Variants in MAGI2 observed in about 807,000 individuals in gnomAD.
The protein encoded by MAGI2 is membrane-associated guanylate kinase, WW and PDZ domain-containing protein 2.
In MAGI2, 35 loss-of-function variants were observed where a neutral mutation model predicts 133.3. The observed-to-expected ratio is 0.26, with a 90% CI of 0.20 to 0.35. MAGI2 has a LOEUF of 0.35. Ranked by LOEUF, MAGI2 falls within the 10% of genes least tolerant of loss-of-function variation. The pLI is 1.00. For synonymous variants in MAGI2, 729 were observed against 710.6 expected, an observed-to-expected ratio of 1.03 and a Z score of -0.41; for missense variants, 1,636 against 1,863.4, an observed-to-expected ratio of 0.88 and a Z score of 2.25.
At chr7:79,402,370 A>G (rs1233086270) in intron 1 of MAGI2, among the ~76,000 whole-genome samples, 1 of 152,190 alleles carries the variant, frequency 6.6e-6, no homozygotes, top group African/African-American at 2.4e-5. Context: ...AGGGAGGGAC[A>G]TAGGAAGGCC....
intron 6 of MAGI2, 61 bp downstream of exon 6, chr7:78,489,700 T>C (rs763080999): frequency 2.4e-5 from 31 of 1,293,910 alleles, no homozygotes; most frequent in Non-Finnish European, 3.4e-5. Flanking sequence ...GACTCTCATT[T>C]AAGAAACACA....
intron 2 of MAGI2, among the ~76,000 whole-genome samples, chr7:78,693,562 C>T (rs1463392980): frequency 1.3e-5 from 2 of 152,176 alleles, no homozygotes; most frequent in African/African-American, 2.4e-5. Flanking sequence ...CAACTCCTCA[C>T]TATTTGCTTC....
intron 1 of MAGI2, among the ~76,000 whole-genome samples, chr7:79,014,000 G>A (rs1219470148): frequency 1.3e-5 from 2 of 151,954 alleles, no homozygotes; most frequent in Non-Finnish European, 2.9e-5. Flanking sequence ...TTTAATATCT[G>A]TGCTGTTTCT....
chr7:78,205,043 A>G (rs1283683616), intron 10 of MAGI2, among the ~76,000 whole-genome samples: 1 of 152,250 alleles, frequency 6.6e-6, no homozygotes, highest in African/African-American at 2.4e-5. Context: ...TTTAGGCAGG[A>G]AATCCTGGTA....
chr7:79,012,948 C>T (rs1429923480), intron 1 of MAGI2, among the ~76,000 whole-genome samples: 2 of 152,188 alleles, frequency 1.3e-5, no homozygotes, highest in East Asian at 3.9e-4. Flanking sequence ...ATAAGGGTAC[C>T]AATCCCATTC....
chr7:79,121,584 A>T (rs1334456350), intron 1 of MAGI2, among the ~76,000 whole-genome samples: 1 of 152,128 alleles, frequency 6.6e-6, no homozygotes, highest in Non-Finnish European at 1.5e-5. Context: ...ACTGTATCGC[A>T]AATGCATTCA....
intron 20 of MAGI2, among the ~76,000 whole-genome samples, chr7:78,097,309 C>T (rs10239998): frequency 0.026 from 3,915 of 152,232 alleles, 110 homozygotes; most frequent in African/African-American, 0.077. Flanking sequence ...AATCCCATTA[C>T]TGGGTATGTA....
intron 1 of MAGI2, among the ~76,000 whole-genome samples, chr7:79,432,052 T>C (rs138794054): frequency 9.4e-4 from 143 of 152,314 alleles, no homozygotes; most frequent in Non-Finnish European, 1.6e-3. Flanking sequence ...TGTGAAATGG[T>C]ACTTTTCCTG....
intron 2 of MAGI2, among the ~76,000 whole-genome samples, chr7:78,654,748 T>TAG (rs1563303663): frequency 9.7e-6 from 1 of 103,262 alleles, no homozygotes; most frequent in Non-Finnish European, 2.1e-5. Flanking sequence ...TATATATATA[T>TAG]AGCATATATT....
At chr7:78,806,648 G>A (rs1479285195) in intron 2 of MAGI2, among the ~76,000 whole-genome samples, 3 of 151,814 alleles carry the variant, frequency 2.0e-5, no homozygotes, top group Admixed American at 6.6e-5. Flanking sequence ...AGAGAATTGC[G>A]TGAGCCCCCA....
intron 1 of MAGI2, among the ~76,000 whole-genome samples, chr7:79,049,192 G>A (rs952005094): frequency 4.6e-5 from 7 of 152,064 alleles, no homozygotes; most frequent in African/African-American, 1.7e-4. Flanking sequence ...GAGAATTCAG[G>A]TTATTTCAAT....
At chr7:78,470,881 C>T (rs17433826) in intron 6 of MAGI2, among the ~76,000 whole-genome samples, 7,886 of 152,146 alleles carry the variant, frequency 0.052, 303 homozygotes, top group Non-Finnish European at 0.077. Context: ...ATAAGGTTAG[C>T]TTTACTGTCA....
intron 6 of MAGI2, among the ~76,000 whole-genome samples, chr7:78,399,804 C>CAAAAAAAAA (rs3061269): frequency 1.4e-5 from 1 of 69,692 alleles, no homozygotes; most frequent in Non-Finnish European, 2.6e-5. Flanking sequence ...GACTTTGTAT[C>CAAAAAAAAA]AAAAAAAAAA....
At chr7:78,524,534 G>C (rs895132708) in intron 3 of MAGI2, among the ~76,000 whole-genome samples, 1 of 152,082 alleles carries the variant, frequency 6.6e-6, no homozygotes, top group Non-Finnish European at 1.5e-5. Context: ...AAATTAAGTT[G>C]TAAAGTGGTT....
intron 2 of MAGI2, among the ~76,000 whole-genome samples, chr7:78,867,342 A>G (rs1794644193): frequency 1.3e-5 from 2 of 148,582 alleles, no homozygotes; most frequent in Admixed American, 6.7e-5. Context: ...CATATACACC[A>G]TGGAATACTA....
At chr7:79,059,410 A>G (rs1207826220) in intron 1 of MAGI2, among the ~76,000 whole-genome samples, 1 of 152,082 alleles carries the variant, frequency 6.6e-6, no homozygotes, top group African/African-American at 2.4e-5. Context: ...AGGTTAAAAT[A>G]AAAATTCTAT....
chr7:79,057,142 T>A (rs1315714671), intron 1 of MAGI2, among the ~76,000 whole-genome samples: 1 of 152,206 alleles, frequency 6.6e-6, no homozygotes, highest in East Asian at 1.9e-4. Flanking sequence ...GACATTACAT[T>A]CAGTGTAAGT....
chr7:78,604,112 C>T (rs923653698), intron 3 of MAGI2, among the ~76,000 whole-genome samples: 1 of 152,108 alleles, frequency 6.6e-6, no homozygotes, highest in Non-Finnish European at 1.5e-5. Context: ...CTAAAGGAGT[C>T]ATGACCATTT....
chr7:78,685,664 G>GTA (rs1469420533), intron 2 of MAGI2, among the ~76,000 whole-genome samples: 3 of 150,152 alleles, frequency 2.0e-5, no homozygotes, highest in Non-Finnish European at 3.0e-5. Context: ...GTGTGTGTGT[G>GTA]TGTATATATA....
Sources: allele counts gnomAD v4.1 joint callset (sites outside exome capture counted in the v4.1 genomes callset), GRCh38; gene constraint gnomAD v4.1.1; transcripts MANE v1.5; gene names NCBI Gene and HGNC (gene_info 2026-07-23, HGNC 2026-07-21).